The following SLC9B1 variants were observed in gnomAD, a reference collection of about 807,000 sequenced individuals.
The protein encoded by SLC9B1 is sodium/hydrogen exchanger 9B1.
Under a neutral mutation model 51.7 loss-of-function variants are expected in SLC9B1, and 32 were observed. That is an observed-to-expected ratio of 0.62 (90% CI 0.47 to 0.83). The LOEUF is 0.83. SLC9B1 is among the 40% of genes least tolerant of loss of function. The pLI, the probability that SLC9B1 is intolerant of heterozygous loss-of-function variation, is 0.00. For synonymous variants in SLC9B1, 145 were observed against 212.7 expected, an observed-to-expected ratio of 0.68 and a Z score of 2.77; for missense variants, 406 against 613.2, an observed-to-expected ratio of 0.66 and a Z score of 3.57.
intron 3 of SLC9B1, among the ~76,000 whole-genome samples, chr4:102,986,508 T>C (rs2110514866): frequency 1.3e-5 from 2 of 152,310 alleles, no homozygotes; most frequent in Non-Finnish European, 2.9e-5. Flanking sequence ...TGTGACTTGG[T>C]GCTTGACATT....
At chr4:102,981,327 T>G (rs531218148) in intron 3 of SLC9B1, among the ~76,000 whole-genome samples, 1 of 152,254 alleles carries the variant, frequency 6.6e-6, no homozygotes, top group Admixed American at 6.5e-5. Context: ...ATGTGCAGGT[T>G]TTTGTGCGGA....
chr4:102,998,104 C>G (rs778517520), intron 1 of SLC9B1, among the ~76,000 whole-genome samples: 1 of 152,164 alleles, frequency 6.6e-6, no homozygotes, highest in Non-Finnish European at 1.5e-5. Flanking sequence ...TCACCACCAT[C>G]CATCTCCAGA....
At chr4:102,994,403 C>T (rs1360352844) in intron 1 of SLC9B1, among the ~76,000 whole-genome samples, 2 of 152,214 alleles carry the variant, frequency 1.3e-5, no homozygotes, top group Non-Finnish European at 2.9e-5. Context: ...CCTCAGCCTA[C>T]ACTTCATTGT....
intron 9 of SLC9B1, among the ~76,000 whole-genome samples, chr4:102,908,830 T>C (rs1300614093): frequency 2.0e-5 from 3 of 152,288 alleles, no homozygotes; most frequent in Non-Finnish European, 4.4e-5. Flanking sequence ...AAAGGATCAG[T>C]AGCCCTAAGA....
intron 3 of SLC9B1, among the ~76,000 whole-genome samples, chr4:102,969,905 T>C (rs530930042): frequency 1.3e-5 from 2 of 151,540 alleles, no homozygotes; most frequent in Admixed American, 6.6e-5. Flanking sequence ...GAAAATCAAA[T>C]GAATGAAATG....
At chr4:102,991,243 G>C (rs1043555154) in intron 2 of SLC9B1, among the ~76,000 whole-genome samples, 7 of 151,798 alleles carry the variant, frequency 4.6e-5, no homozygotes, top group Non-Finnish European at 8.8e-5. Flanking sequence ...ATCAACAAAA[G>C]GTCTAACGAC....
chr4:103,008,797 C>CA (rs1553912927), intron 1 of SLC9B1, among the ~76,000 whole-genome samples: 4 of 99,460 alleles, frequency 4.0e-5, no homozygotes, highest in Non-Finnish European at 8.1e-5. Context: ...TTAACAGTTT[C>CA]TTTTTTTTTT....
intron 1 of SLC9B1, among the ~76,000 whole-genome samples, chr4:103,000,138 G>A (rs1037859353): frequency 2.0e-5 from 3 of 152,146 alleles, no homozygotes; most frequent in Admixed American, 1.3e-4. Context: ...GGAAATTACA[G>A]GTCTCTTCCT....
chr4:103,004,514 G>A (rs4699046), intron 1 of SLC9B1, among the ~76,000 whole-genome samples: 82,595 of 152,030 alleles, frequency 0.54, 22,979 homozygotes, highest in African/African-American at 0.67. Flanking sequence ...CATATTTGAG[G>A]ATATCATCCA....
chr4:102,906,262 G>A (rs1484412540), intron 10 of SLC9B1: 23 of 193,038 alleles, frequency 1.2e-4, no homozygotes, highest in Non-Finnish European at 1.8e-4. Flanking sequence ...CTCAAAAAGC[G>A]CTGATCGTAT....
chr4:102,892,266 C>T (rs531268911), intron 11 of SLC9B1: 1 of 152,260 alleles, frequency 6.6e-6, no homozygotes, highest in Admixed American at 6.5e-5. Flanking sequence ...CTGTGTTACC[C>T]AGGCTGGTCT....
intron 1 of SLC9B1, among the ~76,000 whole-genome samples, chr4:103,017,707 T>C (rs1741456317): frequency 6.6e-6 from 1 of 152,230 alleles, no homozygotes; most frequent in African/African-American, 2.4e-5. Flanking sequence ...CTTTACAGTT[T>C]TACTTCTTCA....
chr4:102,910,654 C>T, intron 8 of SLC9B1, 66 bp from the exon 9 acceptor site: 1 of 752,486 alleles, frequency 1.3e-6, no homozygotes, highest in Non-Finnish European at 1.8e-6. Context: ...TTGACATTAT[C>T]TATTATATAT....
chr4:102,985,261 G>T (rs1739554474), intron 3 of SLC9B1, among the ~76,000 whole-genome samples: 1 of 152,094 alleles, frequency 6.6e-6, no homozygotes, highest in Admixed American at 6.6e-5. Flanking sequence ...AGCAATCTCT[G>T]TATTTTACCT....
At chr4:103,006,807 C>T (rs956029287) in intron 1 of SLC9B1, among the ~76,000 whole-genome samples, 3 of 152,248 alleles carry the variant, frequency 2.0e-5, no homozygotes, top group South Asian at 4.2e-4. Flanking sequence ...TAGACTTTAT[C>T]CCTGGCATGC....
chr4:102,925,699 C>CAA (rs3974607), intron 7 of SLC9B1, among the ~76,000 whole-genome samples: 1 of 137,348 alleles, frequency 7.3e-6, no homozygotes. Context: ...TTCTTTTGTC[C>CAA]AAAAAAAAAA....
intron 11 of SLC9B1, 123 bp downstream of exon 11, chr4:102,905,391 C>T: frequency 9.7e-7 from 1 of 1,028,506 alleles, no homozygotes; most frequent in Middle Eastern, 3.4e-4. Context: ...TAGTTATGAT[C>T]AATCAAACAT....
At chr4:102,957,782 A>ATG (rs199987719) in intron 3 of SLC9B1, among the ~76,000 whole-genome samples, 2,685 of 146,936 alleles carry the variant, frequency 0.018, 39 homozygotes, top group East Asian at 0.047. Flanking sequence ...ATGTGTGTAT[A>ATG]TGTGTGTGTG....
rs773483241 is a variant in SLC9B1 at position 102,905,623 on chromosome 4, G to A, written c.1223C>T (p.Ala408Val). 27 of 1,611,256 alleles carry A rather than the reference G, an allele frequency of 1.7e-5. No homozygotes were observed. The East Asian group carries it at 5.8e-4, about 35-fold the overall frequency. The change falls in exon 11 of 12, where the codon GCA becomes GTA. Residue 408 changes from alanine (A) to valine (V), a missense_variant. Coordinates refer to ENST00000296422, the MANE Select transcript of SLC9B1 (RefSeq NM_139173.4). Reference sequence around the variant, plus strand: ...TGTGGTTAAAATTCGAACACATAATGCCAAACTTAGAGTGGCAACAGATAT... The same window carrying A: ...TGTGGTTAAAATTCGAACACATAATACCAAACTTAGAGTGGCAACAGATAT... ...VGISVATLSLALCVRILTTYL... is the reference protein window; with the variant it reads ...VGISVATLSLVLCVRILTTYL...
Sources: gnomAD v4.1 joint callset for allele counts (sites outside exome capture counted in the v4.1 genomes callset) on GRCh38, gnomAD v4.1.1 for gene constraint, MANE v1.5 for transcripts, NCBI Gene and HGNC (gene_info 2026-07-23, HGNC 2026-07-21) for gene names.